The following SOX5 variants were observed in gnomAD, a reference collection of about 807,000 sequenced individuals.
SOX5 encodes the protein transcription factor SOX-5.
A neutral mutation model predicts 92.0 loss-of-function variants in SOX5; 9 were observed. The observed-to-expected ratio is 0.10, with a 90% CI of 0.06 to 0.17. The LOEUF is 0.17. SOX5 is among the 10% of genes least tolerant of loss of function. The pLI, the probability that SOX5 is intolerant of heterozygous loss-of-function variation, is 1.00. For synonymous variants in SOX5, 344 were observed against 336.3 expected, an observed-to-expected ratio of 1.02 and a Z score of -0.25; for missense variants, 642 against 944.5, an observed-to-expected ratio of 0.68 and a Z score of 4.20.
intron 4 of SOX5, among the ~76,000 whole-genome samples, chr12:24,110,241 T>C (rs952668092): frequency 2.0e-5 from 3 of 152,202 alleles, no homozygotes; most frequent in African/African-American, 7.2e-5. Flanking sequence ...CAAAACTTCA[T>C]GACAAACCTA....
chr12:24,199,210 T>C (rs759524010), intron 4 of SOX5, among the ~76,000 whole-genome samples: 1 of 152,136 alleles, frequency 6.6e-6, no homozygotes, highest in Non-Finnish European at 1.5e-5. Flanking sequence ...TTAAAGACCA[T>C]GACAGGACAA....
At chr12:23,739,805 T>C (rs573217493) in intron 5 of SOX5, among the ~76,000 whole-genome samples, 2 of 152,338 alleles carry the variant, frequency 1.3e-5, no homozygotes, top group South Asian at 4.1e-4. Context: ...TAGAAAGATC[T>C]AGCTGCCCAA....
At chr12:23,964,582 G>A (rs934246694) in intron 4 of SOX5, among the ~76,000 whole-genome samples, 17 of 152,266 alleles carry the variant, frequency 1.1e-4, no homozygotes, top group Admixed American at 2.0e-4. Context: ...ACTGTCAACC[G>A]TCTACAAGTG....
intron 1 of SOX5, among the ~76,000 whole-genome samples, chr12:24,478,996 G>C (rs1383439714): frequency 6.6e-6 from 1 of 152,108 alleles, no homozygotes; most frequent in African/African-American, 2.4e-5. Flanking sequence ...TACTCTTCGA[G>C]CTCCATTTCT....
chr12:24,255,303 GA>G (rs2140196381), intron 3 of SOX5, among the ~76,000 whole-genome samples: 1 of 152,240 alleles, frequency 6.6e-6, no homozygotes, highest in African/African-American at 2.4e-5. Context: ...ATTGCCTTTA[GA>G]CAATATATGG....
intron 3 of SOX5, among the ~76,000 whole-genome samples, chr12:24,272,430 C>A (rs1943881516): frequency 6.6e-6 from 1 of 152,066 alleles, no homozygotes; most frequent in African/African-American, 2.4e-5. Flanking sequence ...GGGGTGATAG[C>A]AAATATCCTT....
chr12:24,049,663 T>C (rs1433694250), intron 4 of SOX5, among the ~76,000 whole-genome samples: 2 of 100,414 alleles, frequency 2.0e-5, no homozygotes, highest in Non-Finnish European at 4.4e-5. Context: ...TTTTTTTTTT[T>C]TTTTTTTTTG....
intron 8 of SOX5, among the ~76,000 whole-genome samples, chr12:23,611,375 T>G (rs962847404): frequency 7.2e-6 from 1 of 138,966 alleles, no homozygotes; most frequent in African/African-American, 2.6e-5. Flanking sequence ...TGTGCGTGTG[T>G]GTGTGTGTGT....
chr12:24,394,138 C>T (rs952550619), intron 1 of SOX5, among the ~76,000 whole-genome samples: 25 of 152,074 alleles, frequency 1.6e-4, no homozygotes, highest in African/African-American at 5.8e-4. Flanking sequence ...TTATCACACA[C>T]AACAAGGGAA....
intron 2 of SOX5, among the ~76,000 whole-genome samples, chr12:24,289,998 T>C (rs566449176): frequency 5.1e-4 from 77 of 152,300 alleles, no homozygotes; most frequent in African/African-American, 1.7e-3. Flanking sequence ...AGAAAACCGG[T>C]ACAAACGCTA....
At chr12:24,503,448 GA>G (rs1398419731) in intron 1 of SOX5, among the ~76,000 whole-genome samples, 1 of 152,126 alleles carries the variant, frequency 6.6e-6, no homozygotes, top group Middle Eastern at 3.2e-3. Context: ...TAACGAGGCT[GA>G]AAAATCTCAC....
chr12:24,498,635 T>A lies in SOX5; in HGVS notation c.-251+63694A>T, dbSNP rs554462234. 3.3e-5 allele frequency among the ~76,000 whole-genome samples: 5 copies of A among 152,212 alleles called. No homozygotes were observed. The South Asian group carries it at 1.0e-3, about 31-fold the overall frequency. On this transcript the variant is annotated intron_variant, in intron 1 of 4. Coordinates refer to the SOX5 transcript ENST00000446891. ...CCTATCTGTGAATGACTCTAATACA[T>A]AATTCCTACCTAAATAGAGTTTATA...
chr12:23,868,300 A>T (rs557191861), intron 2 of SOX5, among the ~76,000 whole-genome samples: 404 of 152,230 alleles, frequency 2.7e-3, no homozygotes, highest in African/African-American at 9.2e-3. Flanking sequence ...TGATTACTCC[A>T]ACATGCTTAA....
chr12:24,542,670 T>A (rs1352801985), intron 1 of SOX5, among the ~76,000 whole-genome samples: 1 of 152,212 alleles, frequency 6.6e-6, no homozygotes, highest in Non-Finnish European at 1.5e-5. Flanking sequence ...GAAAATTAAC[T>A]AAATATGACA....
intron 1 of SOX5, among the ~76,000 whole-genome samples, chr12:24,389,467 G>A (rs1286608499): frequency 6.6e-6 from 1 of 152,142 alleles, no homozygotes; most frequent in Non-Finnish European, 1.5e-5. Flanking sequence ...AAGATATGCA[G>A]GTTAGGTAAA....
chr12:24,255,279 C>T (rs1385782635), intron 3 of SOX5, among the ~76,000 whole-genome samples: 3 of 152,020 alleles, frequency 2.0e-5, no homozygotes, highest in Non-Finnish European at 4.4e-5. Flanking sequence ...AATTGTTGCC[C>T]CTAAAGTGGC....
intron 2 of SOX5, among the ~76,000 whole-genome samples, chr12:24,279,801 T>C (rs527269299): frequency 6.6e-6 from 1 of 152,172 alleles, no homozygotes; most frequent in Non-Finnish European, 1.5e-5. Flanking sequence ...TAGTGATCCG[T>C]TCTATCACAT....
At chr12:24,475,862 G>A (rs189700194) in intron 1 of SOX5, among the ~76,000 whole-genome samples, 79 of 152,212 alleles carry the variant, frequency 5.2e-4, no homozygotes, top group African/African-American at 1.8e-3. Context: ...TGTGCCTGTG[G>A]TTCCAACTAT....
chr12:23,847,945 A>G (rs1422347282), intron 2 of SOX5, among the ~76,000 whole-genome samples: 5 of 152,188 alleles, frequency 3.3e-5, no homozygotes, highest in Non-Finnish European at 5.9e-5. Context: ...ACACACACAG[A>G]GCCCTAAAAA....
Sources: gnomAD v4.1 joint callset for allele counts (sites outside exome capture counted in the v4.1 genomes callset) on GRCh38, gnomAD v4.1.1 for gene constraint, MANE v1.5 for transcripts, NCBI Gene and HGNC (gene_info 2026-07-23, HGNC 2026-07-21) for gene names.